Variants in CDH13 observed in about 807,000 individuals in gnomAD.
The protein encoded by CDH13 is cadherin 13, also known as cadherin-13.
A neutral mutation model predicts 63.8 loss-of-function variants in CDH13; 24 were observed. The ratio of observed to expected loss-of-function variants is 0.38; its 90% CI spans 0.27 to 0.53. CDH13 has a LOEUF of 0.53. Among genes scored for constraint, CDH13 ranks in the 20% least tolerant of loss-of-function variants. CDH13 has a pLI of 0.85. For synonymous variants in CDH13, 503 were observed against 355.3 expected (o/e 1.42, Z -4.67); for missense variants, 1,049 against 903.1 (o/e 1.16, Z -2.07).
At chr16:82,827,870 C>T (rs1407294819) in intron 1 of CDH13, among the ~76,000 whole-genome samples, 1 of 152,054 alleles carries the variant, frequency 6.6e-6, no homozygotes, top group Non-Finnish European at 1.5e-5. Flanking sequence ...GCCAGAAGTG[C>T]CTGGTCATTC....
chr16:83,193,398 C>T (rs571931711), intron 4 of CDH13, among the ~76,000 whole-genome samples: 4 of 152,280 alleles, frequency 2.6e-5, no homozygotes, highest in Admixed American at 1.3e-4. Context: ...CCCTGCATGC[C>T]AGTTGCGAGC....
intron 1 of CDH13, among the ~76,000 whole-genome samples, chr16:82,662,553 T>C (rs980156560): frequency 3.3e-5 from 5 of 152,212 alleles, no homozygotes; most frequent in Admixed American, 1.3e-4. Flanking sequence ...AGAAGGGAGC[T>C]GGTTTGGAGT....
At chr16:83,457,278 G>A (rs1215280254) in intron 6 of CDH13, among the ~76,000 whole-genome samples, 1 of 152,150 alleles carries the variant, frequency 6.6e-6, no homozygotes, top group Non-Finnish European at 1.5e-5. Context: ...TGGGCTTTAA[G>A]CGTTTGATAA....
At chr16:83,691,296 G>C (rs1202890385) in intron 10 of CDH13, among the ~76,000 whole-genome samples, 1 of 152,118 alleles carries the variant, frequency 6.6e-6, no homozygotes, top group Non-Finnish European at 1.5e-5. Context: ...TAGACAAAGG[G>C]AGCACATGAG....
intron 10 of CDH13, among the ~76,000 whole-genome samples, chr16:83,706,905 T>A (rs1451130664): frequency 7.9e-6 from 1 of 125,928 alleles, no homozygotes; most frequent in African/African-American, 3.2e-5. Flanking sequence ...TATTAAGTCC[T>A]GGGTGGCCTG....
intron 10 of CDH13, among the ~76,000 whole-genome samples, chr16:83,681,547 C>T (rs1303657565): frequency 6.6e-6 from 1 of 152,162 alleles, no homozygotes; most frequent in Admixed American, 6.5e-5. Flanking sequence ...CACCCCCTTT[C>T]CCCTCCTCCG....
intron 1 of CDH13, among the ~76,000 whole-genome samples, chr16:82,782,930 G>A (rs908855516): frequency 5.3e-5 from 8 of 152,046 alleles, no homozygotes; most frequent in African/African-American, 1.9e-4. Context: ...TGTTACTAGG[G>A]GCAACTCTAC....
chr16:83,505,410 A>G (rs1285725770), intron 7 of CDH13, among the ~76,000 whole-genome samples: 1 of 152,160 alleles, frequency 6.6e-6, no homozygotes, highest in Non-Finnish European at 1.5e-5. Context: ...GGACCCTCCC[A>G]GCCAGCCTGA....
chr16:82,638,823 T>TGTGTGTGTGTGCGCGCGC (rs139451683), intron 1 of CDH13, among the ~76,000 whole-genome samples: 1 of 150,790 alleles, frequency 6.6e-6, no homozygotes, highest in Non-Finnish European at 1.5e-5. Context: ...GGGCAGTGTG[T>TGTGTGTGTGTGCGCGCGC]GCGTGTGTGC....
At chr16:83,487,380 T>A (rs1422236000) in intron 7 of CDH13, among the ~76,000 whole-genome samples, 1 of 152,234 alleles carries the variant, frequency 6.6e-6, no homozygotes, top group Non-Finnish European at 1.5e-5. Context: ...AGGTCCACTT[T>A]CCACATGTGC....
At chr16:83,509,953 T>C (rs1274199352) in intron 7 of CDH13, among the ~76,000 whole-genome samples, 2 of 152,042 alleles carry the variant, frequency 1.3e-5, no homozygotes, top group African/African-American at 2.4e-5. Context: ...GGACAGAGGA[T>C]TGGGAGCATG....
At chr16:83,633,040 C>T (rs770510224) in intron 8 of CDH13, among the ~76,000 whole-genome samples, 1 of 152,082 alleles carries the variant, frequency 6.6e-6, no homozygotes, top group African/African-American at 2.4e-5. Context: ...ATATAATGAG[C>T]AGTGAAAATG....
chr16:83,779,939 C>A (rs1404069879), intron 11 of CDH13, 29 bp from the exon 12 acceptor site: 1 of 1,490,636 alleles, frequency 6.7e-7, no homozygotes, highest in African/African-American at 1.4e-5. Context: ...ATACCAGTTG[C>A]ATACCAACAT....
At chr16:83,087,670 T>TAAA (rs2033675995) in intron 3 of CDH13, among the ~76,000 whole-genome samples, 1 of 8,744 alleles carries the variant, frequency 1.1e-4, no homozygotes, top group Non-Finnish European at 2.2e-4. Flanking sequence ...TCCCTCCGTC[T>TAAA]CAAAAAAAAA....
At chr16:83,363,523 A>G (rs763146616) in intron 6 of CDH13, among the ~76,000 whole-genome samples, 47 of 152,198 alleles carry the variant, frequency 3.1e-4, no homozygotes, top group Non-Finnish European at 1.6e-4. Context: ...AGCTTTTATT[A>G]TGAATTTGAG....
intron 3 of CDH13, among the ~76,000 whole-genome samples, chr16:83,103,129 C>G (rs559714201): frequency 2.5e-4 from 36 of 146,792 alleles, no homozygotes; most frequent in Middle Eastern, 7.6e-3. Flanking sequence ...ATTTTTGTAT[C>G]TTTAGTAGAG....
intron 4 of CDH13, among the ~76,000 whole-genome samples, chr16:83,185,795 C>A (rs1166693823): frequency 6.6e-6 from 1 of 152,190 alleles, no homozygotes; most frequent in Non-Finnish European, 1.5e-5. Context: ...TGACAACTTA[C>A]AACAGCTCAT....
chr16:82,953,875 C>CA (rs1413966971), intron 2 of CDH13: 2 of 152,080 alleles, frequency 1.3e-5, no homozygotes. Flanking sequence ...TAGTAGGTAA[C>CA]AATTATTAAG....
chr16:83,389,581 A>G (rs764297349), intron 6 of CDH13, among the ~76,000 whole-genome samples: 1 of 152,140 alleles, frequency 6.6e-6, no homozygotes, highest in Non-Finnish European at 1.5e-5. Context: ...TGCCTTATTG[A>G]TGGACTGGAC....
Sources: gnomAD v4.1 joint callset for allele counts (sites outside exome capture counted in the v4.1 genomes callset) on GRCh38, gnomAD v4.1.1 for gene constraint, MANE v1.5 for transcripts, NCBI Gene and HGNC (gene_info 2026-07-23, HGNC 2026-07-21) for gene names.